Variants in TMEM178B observed in about 807,000 individuals in gnomAD.
The protein encoded by TMEM178B is transmembrane protein 178B.
In TMEM178B, 5 loss-of-function variants were observed where a neutral mutation model predicts 31.0. The observed-to-expected ratio is 0.16, with a 90% confidence interval of 0.08 to 0.34. The LOEUF (loss-of-function observed/expected upper bound fraction) is 0.34. Among genes scored for constraint, TMEM178B ranks in the 10% least tolerant of loss-of-function variants. The pLI, the probability that TMEM178B is intolerant of heterozygous loss-of-function variation, is 1.00. For missense variants in TMEM178B, 275 were observed against 400.3 expected, an observed-to-expected ratio of 0.69 and a Z score of 2.67; for synonymous variants, 164 against 164.0, an observed-to-expected ratio of 1.00 and a Z score of 0.00.
At chr7:141,333,665 T>C (rs978944663) in intron 2 of TMEM178B, among the ~76,000 whole-genome samples, 2 of 152,318 alleles carry the variant, frequency 1.3e-5, no homozygotes, top group Non-Finnish European at 1.5e-5. Flanking sequence ...ACTCTGTCCA[T>C]GGTGCTGAGT....
chr7:141,135,798 C>T (rs1277123092), intron 1 of TMEM178B, among the ~76,000 whole-genome samples: 1 of 152,030 alleles, frequency 6.6e-6, no homozygotes, highest in African/African-American at 2.4e-5. Context: ...TTTCAAATAA[C>T]CTAATGATGC....
At chr7:141,188,380 C>G (rs138521724) in intron 1 of TMEM178B, among the ~76,000 whole-genome samples, 1 of 152,240 alleles carries the variant, frequency 6.6e-6, no homozygotes, top group African/African-American at 2.4e-5. Context: ...TAGGAAGGCT[C>G]AATGGTGAGT....
intron 1 of TMEM178B, chr7:141,173,153 C>T (rs1189116144): frequency 2.6e-5 from 4 of 152,122 alleles, no homozygotes; most frequent in African/African-American, 4.8e-5. Context: ...GATCGTGTAA[C>T]GAATGGTGCA....
chr7:141,310,048 G>A (rs1051894707), intron 2 of TMEM178B, among the ~76,000 whole-genome samples: 3 of 151,986 alleles, frequency 2.0e-5, no homozygotes, highest in Non-Finnish European at 4.4e-5. Flanking sequence ...AACAAAAAAC[G>A]TCAAAAGCAA....
At chr7:141,211,410 T>A (rs181826654) in intron 1 of TMEM178B, among the ~76,000 whole-genome samples, 12 of 152,350 alleles carry the variant, frequency 7.9e-5, no homozygotes, top group Non-Finnish European at 1.3e-4. Flanking sequence ...ACTTCACCAA[T>A]TGCAGGTTCC....
chr7:141,457,240 A>G (rs1309462528), intron 3 of TMEM178B, among the ~76,000 whole-genome samples: 1 of 152,258 alleles, frequency 6.6e-6, no homozygotes, highest in Non-Finnish European at 1.5e-5. Flanking sequence ...GCTTTACAGC[A>G]AAATCAAATG....
intron 2 of TMEM178B, among the ~76,000 whole-genome samples, chr7:141,338,072 C>T (rs1396170665): frequency 6.6e-6 from 1 of 152,100 alleles, no homozygotes; most frequent in African/African-American, 2.4e-5. Flanking sequence ...CTCCTGACCT[C>T]GTGATGCACC....
intron 1 of TMEM178B, among the ~76,000 whole-genome samples, chr7:141,152,938 T>C (rs1174609962): frequency 2.0e-5 from 3 of 152,238 alleles, no homozygotes. Flanking sequence ...TTCTAGGAGA[T>C]AGTACCAGAA....
intron 1 of TMEM178B, among the ~76,000 whole-genome samples, chr7:141,178,488 T>C (rs2129183603): frequency 6.6e-6 from 1 of 152,364 alleles, no homozygotes; most frequent in African/African-American, 2.4e-5. Context: ...TCCAGATTAC[T>C]TACGCTTTGT....
intron 1 of TMEM178B, among the ~76,000 whole-genome samples, chr7:141,147,883 A>G (rs1023199043): frequency 2.0e-5 from 3 of 152,348 alleles, no homozygotes; most frequent in Non-Finnish European, 4.4e-5. Flanking sequence ...AATTGAAGCT[A>G]GGGATGAAGA....
chr7:141,228,549 G>A (rs918175025), intron 2 of TMEM178B, among the ~76,000 whole-genome samples: 6 of 152,108 alleles, frequency 3.9e-5, no homozygotes, highest in Non-Finnish European at 7.4e-5. Flanking sequence ...CTTTCTTGAG[G>A]TTGAGCTTAT....
At chr7:141,105,449 G>A (rs1171654384) in intron 1 of TMEM178B, among the ~76,000 whole-genome samples, 1 of 152,230 alleles carries the variant, frequency 6.6e-6, no homozygotes, top group Non-Finnish European at 1.5e-5. Flanking sequence ...GGAGGTTGCA[G>A]TGAGCTGAGA....
intron 1 of TMEM178B, among the ~76,000 whole-genome samples, chr7:141,114,771 A>G (rs1221330298): frequency 6.6e-6 from 1 of 152,122 alleles, no homozygotes; most frequent in Non-Finnish European, 1.5e-5. Context: ...ATTATCTCAG[A>G]CTCTGCTTAA....
intron 3 of TMEM178B, among the ~76,000 whole-genome samples, chr7:141,450,863 A>T (rs544557632): frequency 1.1e-4 from 16 of 152,332 alleles, no homozygotes; most frequent in African/African-American, 3.8e-4. Context: ...ACAAGCTTGG[A>T]GTCATGCAGT....
At chr7:141,449,214 C>G (rs937656823) in intron 3 of TMEM178B, among the ~76,000 whole-genome samples, 3 of 152,114 alleles carry the variant, frequency 2.0e-5, no homozygotes, top group Admixed American at 2.0e-4. Flanking sequence ...AAACAAGTCA[C>G]AAATCAAAGA....
chr7:141,394,221 A>C (rs1458728049), intron 2 of TMEM178B, among the ~76,000 whole-genome samples: 2 of 152,064 alleles, frequency 1.3e-5, no homozygotes, highest in African/African-American at 4.8e-5. Flanking sequence ...AGAATGCGTC[A>C]CCTCCGTGAC....
At chr7:141,195,504 G>A (rs1335803053) in intron 1 of TMEM178B, among the ~76,000 whole-genome samples, 1 of 152,164 alleles carries the variant, frequency 6.6e-6, no homozygotes, top group Non-Finnish European at 1.5e-5. Context: ...CCACCTCAGC[G>A]TGGACCTTAT....
chr7:141,079,038 G>A (rs1232238879), intron 1 of TMEM178B, among the ~76,000 whole-genome samples: 1 of 152,228 alleles, frequency 6.6e-6, no homozygotes, highest in African/African-American at 2.4e-5. Flanking sequence ...TGTAATCCCA[G>A]CACTTTGGGA....
At chr7:141,430,170 C>T (rs1198961659) in intron 2 of TMEM178B, 1 of 152,144 alleles carries the variant, frequency 6.6e-6, no homozygotes, top group African/African-American at 2.4e-5. Context: ...AGAAGTAATG[C>T]CTTCACCTTG....
Sources: gnomAD v4.1 joint callset for allele counts (sites outside exome capture counted in the v4.1 genomes callset) on GRCh38, gnomAD v4.1.1 for gene constraint, MANE v1.5 for transcripts, NCBI Gene and HGNC (gene_info 2026-07-23, HGNC 2026-07-21) for gene names.